Variants in LARGE1 observed in about 807,000 individuals in gnomAD.
LARGE1 encodes the protein LARGE xylosyl- and glucuronyltransferase 1.
LARGE1 carries 43 observed loss-of-function variants against 87.6 expected under a neutral mutation model. That is an observed-to-expected ratio of 0.49 (90% confidence interval 0.38 to 0.63). The LOEUF (loss-of-function observed/expected upper bound fraction) is 0.63, where lower values mean the gene tolerates loss of function less well. Ranked by LOEUF, LARGE1 falls within the 30% of genes least tolerant of loss-of-function variation. LARGE1 has a pLI of 0.00. For missense variants in LARGE1, 802 were observed against 1,000.2 expected (o/e 0.80, Z 2.67); for synonymous variants, 434 against 394.6 (o/e 1.10, Z -1.18).
intron 9 of LARGE1, among the ~76,000 whole-genome samples, chr22:33,380,425 C>G (rs916150249): frequency 5.9e-5 from 9 of 152,110 alleles, no homozygotes; most frequent in Non-Finnish European, 1.2e-4. Flanking sequence ...TAATTTCATT[C>G]CTGGAAAGGC....
intron 5 of LARGE1, among the ~76,000 whole-genome samples, chr22:33,602,101 C>A (rs1484869403): frequency 6.6e-6 from 1 of 152,152 alleles, no homozygotes; most frequent in Admixed American, 6.5e-5. Context: ...TGGAATGAAG[C>A]ATTTTTAAGA....
At chr22:33,170,719 C>A (rs1922521614) in intron 11 of LARGE1, among the ~76,000 whole-genome samples, 1 of 152,202 alleles carries the variant, frequency 6.6e-6, no homozygotes, top group African/African-American at 2.4e-5. Flanking sequence ...AATTAAATCT[C>A]TTTCCTTTAA....
chr22:33,568,221 C>T (rs189147236), intron 5 of LARGE1, among the ~76,000 whole-genome samples: 12 of 152,212 alleles, frequency 7.9e-5, no homozygotes, highest in South Asian at 6.2e-4. Context: ...CCTGTGGCAA[C>T]GCATAAGCCA....
chr22:33,433,626 A>G (rs2067162688), intron 6 of LARGE1, among the ~76,000 whole-genome samples: 6 of 151,532 alleles, frequency 4.0e-5, no homozygotes, highest in Admixed American at 3.9e-4. Flanking sequence ...AAAAAAAAAA[A>G]AAAAGAAAGG....
At chr22:33,406,838 G>A (rs1434058289) in intron 7 of LARGE1, among the ~76,000 whole-genome samples, 2 of 152,162 alleles carry the variant, frequency 1.3e-5, no homozygotes, top group Admixed American at 1.3e-4. Context: ...TGTCACCCAG[G>A]CTGGAGTGCA....
the LARGE1 span, among the ~76,000 whole-genome samples, chr22:33,089,362 T>TCTC: frequency 1.3e-5 from 1 of 78,088 alleles, no homozygotes; most frequent in African/African-American, 5.3e-5. Context: ...TTCTTCTTCT[T>TCTC]CTTCTTCTCC....
At chr22:33,786,385 C>T (rs1311869902) in intron 1 of LARGE1, among the ~76,000 whole-genome samples, 1 of 152,220 alleles carries the variant, frequency 6.6e-6, no homozygotes, top group Non-Finnish European at 1.5e-5. Flanking sequence ...AAAGGCACTT[C>T]TCTTTTGAGG....
At position 33,664,674 on chromosome 22, in the gene LARGE1, G is replaced by A. The variant is rs569890648; in HGVS notation, c.107-14006C>T. On this transcript the variant is annotated intron_variant, in intron 2 of 14. Transcript: ENST00000397394. ...AAGGTCAAGAGATCAAGACCATCCT[G>A]GCCAACATGGTGAAACCCCGTCTCT... Among the ~76,000 whole-genome samples, 140 of 152,276 alleles carry A rather than the reference G, an allele frequency of 9.2e-4. 1 individual carries two copies. The highest frequency in any genetic ancestry group is 1.6e-3 in the Non-Finnish European group (112 of 68,020).
intron 1 of LARGE1, among the ~76,000 whole-genome samples, chr22:33,798,200 G>T (rs2086045960): frequency 6.6e-6 from 1 of 152,162 alleles, no homozygotes; most frequent in Non-Finnish European, 1.5e-5. Context: ...TGAGGCAGGA[G>T]AATTGCTTGA....
At chr22:33,904,737 T>C (rs1260246251) in intron 1 of LARGE1, among the ~76,000 whole-genome samples, 1 of 138,890 alleles carries the variant, frequency 7.2e-6, no homozygotes, top group Non-Finnish European at 1.6e-5. Context: ...GTTAGGTTTC[T>C]ATAATTTGTA....
chr22:33,514,882 ACTG>A (rs2071227059), intron 6 of LARGE1, among the ~76,000 whole-genome samples: 2 of 148,236 alleles, frequency 1.3e-5, no homozygotes, highest in African/African-American at 5.3e-5. Context: ...ACCTAAGCTC[ACTG>A]AGGCTGTCAC....
rs535851603 is a variant in LARGE1 at position 33,751,306 on chromosome 22, C to A, written c.106+10065G>T. 6.5e-4 allele frequency among the ~76,000 whole-genome samples: 99 copies of A among 152,068 alleles called. 3 individuals carry two copies. The highest frequency in any genetic ancestry group is 3.4e-4 in the Non-Finnish European group (23 of 68,010). Reference sequence around the variant, plus strand: ...GACCAGCCTGGCCAACATGGCGAAACCCCATCTCTACTAAAAATACAAAAA... The same window carrying A: ...GACCAGCCTGGCCAACATGGCGAAAACCCATCTCTACTAAAAATACAAAAA... On this transcript the variant is annotated intron_variant, in intron 2 of 14. Transcript: ENST00000397394.
intron 11 of LARGE1, among the ~76,000 whole-genome samples, chr22:33,173,176 C>T (rs183355752): frequency 1.9e-3 from 292 of 152,296 alleles, no homozygotes; most frequent in Non-Finnish European, 2.7e-3. Context: ...AGAAACCCTA[C>T]AAGCCAGAAG....
At chr22:33,084,823 A>C in the LARGE1 span, among the ~76,000 whole-genome samples, 6 of 152,376 alleles carry the variant, frequency 3.9e-5, no homozygotes, top group African/African-American at 1.4e-4. Flanking sequence ...TCTAATCAAC[A>C]TGGAAAATTA....
At chr22:33,736,879 C>T (rs1274842977) in intron 2 of LARGE1, among the ~76,000 whole-genome samples, 2 of 152,150 alleles carry the variant, frequency 1.3e-5, no homozygotes, top group African/African-American at 2.4e-5. Context: ...ATTTTAGATT[C>T]TAGAAAGGAG....
At chr22:33,766,306 G>A (rs1034057672) in intron 1 of LARGE1, among the ~76,000 whole-genome samples, 3 of 151,992 alleles carry the variant, frequency 2.0e-5, no homozygotes, top group East Asian at 1.9e-4. Context: ...CCAACTCTTC[G>A]GCCAAGCTGG....
intron 1 of LARGE1, among the ~76,000 whole-genome samples, chr22:33,908,190 T>C (rs1215462504): frequency 6.6e-6 from 1 of 152,162 alleles, no homozygotes; most frequent in African/African-American, 2.4e-5. Flanking sequence ...AACCATTTAT[T>C]GTATTGACTG....
At chr22:33,882,500 C>T (rs2064725878) in intron 1 of LARGE1, among the ~76,000 whole-genome samples, 1 of 152,146 alleles carries the variant, frequency 6.6e-6, no homozygotes, top group African/African-American at 2.4e-5. Flanking sequence ...AGATGCCAGC[C>T]AGGAGACCTC....
chr22:33,194,636 CA>C (rs1923971545), intron 11 of LARGE1, among the ~76,000 whole-genome samples: 1 of 152,126 alleles, frequency 6.6e-6, no homozygotes, highest in Non-Finnish European at 1.5e-5. Context: ...GATTAAGGGT[CA>C]AAACTGGGCC....
Sources: gnomAD v4.1 joint callset for allele counts (sites outside exome capture counted in the v4.1 genomes callset) on GRCh38, gnomAD v4.1.1 for gene constraint, MANE v1.5 for transcripts, NCBI Gene and HGNC (gene_info 2026-07-23, HGNC 2026-07-21) for gene names.